Variants in EGF observed in about 807,000 individuals in gnomAD.
EGF encodes pro-epidermal growth factor.
In EGF, 95 loss-of-function variants were observed where a neutral mutation model predicts 143.8. The ratio of observed to expected loss-of-function variants is 0.66; its 90% CI spans 0.56 to 0.78. EGF has a LOEUF of 0.78. Ranked by LOEUF, EGF falls within the 30% of genes least tolerant of loss-of-function variation. The pLI is 0.00. For synonymous variants in EGF, 510 were observed against 510.5 expected (o/e 1.00, Z 0.01); for missense variants, 1,320 against 1,470.9 (o/e 0.90, Z 1.68).
intron 19 of EGF, among the ~76,000 whole-genome samples, chr4:109,994,044 T>TA (rs879614030): frequency 2.6e-5 from 4 of 151,794 alleles, no homozygotes; most frequent in Admixed American, 2.0e-4. Context: ...TTTTTTTTTT[T>TA]AGCATATTAT....
chr4:109,927,882 T>A (rs1324562680), intron 1 of EGF, among the ~76,000 whole-genome samples: 5 of 151,738 alleles, frequency 3.3e-5, no homozygotes, highest in Non-Finnish European at 2.9e-5. Context: ...AATGCTTTAA[T>A]GTTGGTAAAT....
At chr4:110,004,127 G>C in intron 21 of EGF, 1 of 345,370 alleles carries the variant, frequency 2.9e-6, no homozygotes, top group Admixed American at 3.9e-5. Flanking sequence ...TCAGTACTAG[G>C]ACAGTGCCTG....
chr4:109,922,143 C>T lies in EGF; in HGVS notation c.127+8681C>T, dbSNP rs75872046. Reference sequence around the variant, plus strand: ...GTTATTGTCATTAATGTTAATTTACCCACTATATCTTTTAGATTCAAGCAA... The same window carrying T: ...GTTATTGTCATTAATGTTAATTTACTCACTATATCTTTTAGATTCAAGCAA... On this transcript the variant is annotated intron_variant, in intron 1 of 23. Coordinates refer to ENST00000265171, the MANE Select transcript of EGF (RefSeq NM_001963.6). Among the ~76,000 whole-genome samples, 1,989 of 151,548 alleles carry T rather than the reference C, an allele frequency of 0.013. 210 individuals carry two copies. The East Asian group carries it at 0.23, about 18-fold the overall frequency.
intron 1 of EGF, among the ~76,000 whole-genome samples, chr4:109,915,827 G>A (rs914051329): frequency 1.3e-5 from 2 of 152,172 alleles, no homozygotes; most frequent in Non-Finnish European, 2.9e-5. Flanking sequence ...ATGCAAGATT[G>A]TTACTCATGT....
At chr4:109,978,098 C>T (rs1335549176) in intron 13 of EGF, among the ~76,000 whole-genome samples, 4 of 152,196 alleles carry the variant, frequency 2.6e-5, no homozygotes, top group African/African-American at 9.6e-5. Context: ...GTGCCATCTA[C>T]TGGTATATAT....
chr4:109,979,849 T>C, intron 13 of EGF, 123 bp from the exon 14 acceptor site: 1 of 1,192,108 alleles, frequency 8.4e-7, no homozygotes, highest in Admixed American at 1.9e-5. Context: ...ACTCATAACT[T>C]GCTGAGTAGC....
intron 10 of EGF, among the ~76,000 whole-genome samples, chr4:109,968,172 A>G (rs1162047471): frequency 6.6e-6 from 1 of 152,228 alleles, no homozygotes; most frequent in Non-Finnish European, 1.5e-5. Flanking sequence ...CGGAATCACC[A>G]TCGTATATGC....
At chr4:109,999,303 C>T (rs906095002) in intron 20 of EGF, among the ~76,000 whole-genome samples, 14 of 152,198 alleles carry the variant, frequency 9.2e-5, no homozygotes, top group Non-Finnish European at 2.1e-4. Flanking sequence ...TCATTGCAAT[C>T]TGGCCAAACA....
chr4:109,936,219 T>G (rs1740766801), intron 1 of EGF, among the ~76,000 whole-genome samples: 1 of 152,208 alleles, frequency 6.6e-6, no homozygotes, highest in Admixed American at 6.5e-5. Context: ...TGCCTCAATT[T>G]CAGAGCCTGT....
At chr4:109,980,496 T>C (rs534518590) in intron 14 of EGF, 1 of 462,300 alleles carries the variant, frequency 2.2e-6, no homozygotes, top group South Asian at 2.4e-5. Context: ...ATTTCACATT[T>C]TATAGTAGCT....
chr4:109,936,124 C>T (rs1433502577), intron 1 of EGF, among the ~76,000 whole-genome samples: 2 of 152,174 alleles, frequency 1.3e-5, no homozygotes, highest in Admixed American at 1.3e-4. Context: ...AGGAATGATA[C>T]CAGCTCCTCT....
intron 12 of EGF, among the ~76,000 whole-genome samples, chr4:109,975,782 T>C (rs1203888461): frequency 6.6e-6 from 1 of 152,236 alleles, no homozygotes; most frequent in Non-Finnish European, 1.5e-5. Context: ...AATCTAATGA[T>C]CTGAGCTTTA....
intron 18 of EGF, among the ~76,000 whole-genome samples, chr4:109,992,170 T>TAAAAAAAAAAAAAAAAAAAAAAAAA (rs58841408): frequency 6.1e-5 from 4 of 65,638 alleles, no homozygotes; most frequent in Admixed American, 1.9e-4. Flanking sequence ...CAAGATTCTT[T>TAAAAAAAAAAAAAAAAAAAAAAAAA]AAAAAAAAAA....
intron 1 of EGF, among the ~76,000 whole-genome samples, chr4:109,918,926 A>T (rs1737190132): frequency 6.6e-6 from 1 of 151,730 alleles, no homozygotes; most frequent in Non-Finnish European, 1.5e-5. Context: ...CATGAGCGAA[A>T]CCCTCTTTCT....
At position 109,980,077 on chromosome 4, in the gene EGF, G is replaced by A. The variant is rs1463591617; in HGVS notation, c.2159G>A (p.Arg720His). ...VNKRTGKDRV[R>H]LQGSMLKPSS... is the part of the protein sequence containing the mutation. The stretch of plus-strand genomic sequence containing the variant: ...AAGAGGACTGGCAAAGATAGAGTAC[G>A]TCTCCAAGGCAGCATGCTGAAGCCC... The change falls in exon 14 of 24, where the codon CGT becomes CAT. Residue 720 changes from arginine to histidine, a missense_variant. Arg to His is a conservative substitution (Grantham distance 29, BLOSUM62 0). Coordinates refer to ENST00000265171, the MANE Select transcript of EGF (RefSeq NM_001963.6). The A allele has an allele frequency of 4.3e-6, 7 of 1,613,844 alleles. No individual in the cohort carries two copies. The highest frequency in any genetic ancestry group is 1.3e-5 in the African/African-American group (1 of 74,914).
Position 109,980,701 on chromosome 4 carries a change from A to G in EGF, c.2222-125A>G, listed in dbSNP as rs7695064. ...TGAAATAGCTATTGATATACCCTCT[A>G]TTTAGATACACTGCATTTCTCTCCC... On this transcript the variant is annotated intron_variant, in intron 14 of 23. Transcript: ENST00000265171. 7,683 of 1,062,618 alleles carry G rather than the reference A, an allele frequency of 7.2e-3. 298 individuals are homozygous for G. In the African/African-American group the frequency reaches 0.094, roughly 13 times the overall value. 65.8% of individuals were successfully genotyped at this position (1,062,618 alleles called of 1,614,324 possible).
intron 15 of EGF, among the ~76,000 whole-genome samples, chr4:109,981,201 C>T (rs1373257972): frequency 6.6e-6 from 1 of 152,118 alleles, no homozygotes; most frequent in Non-Finnish European, 1.5e-5. Context: ...TCTTAAGCTC[C>T]AAGCCCTCCA....
intron 4 of EGF, among the ~76,000 whole-genome samples, chr4:109,944,402 G>T (rs1742489474): frequency 1.3e-5 from 2 of 152,228 alleles, no homozygotes; most frequent in Admixed American, 1.3e-4. Flanking sequence ...TCGTGCCACT[G>T]CACTCCAGCC....
chr4:109,986,139 C>A (rs1657572212), intron 16 of EGF, among the ~76,000 whole-genome samples: 1 of 152,092 alleles, frequency 6.6e-6, no homozygotes, highest in African/African-American at 2.4e-5. Context: ...GTGGCAGAAA[C>A]AACAACAACA....
Sources: allele counts gnomAD v4.1 joint callset (sites outside exome capture counted in the v4.1 genomes callset), GRCh38; gene constraint gnomAD v4.1.1; transcripts MANE v1.5; gene names NCBI Gene and HGNC (gene_info 2026-07-23, HGNC 2026-07-21).